Variants in RFX6 observed in about 807,000 individuals in gnomAD.
The protein encoded by RFX6 is regulatory factor X6.
A neutral mutation model predicts 110.8 loss-of-function variants in RFX6; 50 were observed. The observed-to-expected ratio is 0.45, with a 90% CI of 0.36 to 0.57. The LOEUF (loss-of-function observed/expected upper bound fraction) is 0.57, where lower values mean the gene tolerates loss of function less well. Ranked by LOEUF, RFX6 falls within the 20% of genes least tolerant of loss-of-function variation. The pLI is 0.00. For synonymous variants in RFX6, 383 were observed against 411.2 expected (o/e 0.93, Z 0.83); for missense variants, 990 against 1,127.0 (o/e 0.88, Z 1.74).
At chr6:116,890,681 C>T (rs1401874339) in intron 4 of RFX6, among the ~76,000 whole-genome samples, 2 of 152,146 alleles carry the variant, frequency 1.3e-5, no homozygotes, top group Non-Finnish European at 2.9e-5. Flanking sequence ...CTGAGTGTAG[C>T]TGACCAAGTC....
intron 7 of RFX6, among the ~76,000 whole-genome samples, chr6:116,915,709 T>C (rs1342331896): frequency 6.6e-6 from 1 of 152,066 alleles, no homozygotes; most frequent in East Asian, 1.9e-4. Context: ...AATTAAAAAT[T>C]AAATTTTAAA....
At chr6:116,912,687 T>A (rs1278719965) in intron 7 of RFX6, among the ~76,000 whole-genome samples, 1 of 151,988 alleles carries the variant, frequency 6.6e-6, no homozygotes, top group African/African-American at 2.4e-5. Context: ...ATGGTGTAAA[T>A]ATACCTGGTG....
chr6:116,893,757 A>G (rs1003406754), intron 4 of RFX6, among the ~76,000 whole-genome samples: 2 of 152,192 alleles, frequency 1.3e-5, no homozygotes, highest in African/African-American at 2.4e-5. Flanking sequence ...TCAGTAGGTA[A>G]TTCTCATTTT....
At chr6:116,908,053 G>C (rs1775245995) in intron 6 of RFX6, among the ~76,000 whole-genome samples, 1 of 151,904 alleles carries the variant, frequency 6.6e-6, no homozygotes, top group African/African-American at 2.4e-5. Flanking sequence ...AGTCTATTTT[G>C]TCTAACTTCA....
chr6:116,929,354 G>A (rs1357028801), intron 18 of RFX6, among the ~76,000 whole-genome samples: 1 of 152,016 alleles, frequency 6.6e-6, no homozygotes, highest in East Asian at 1.9e-4. Context: ...AGTGCCAAGA[G>A]ATATCTTTAG....
chr6:116,915,647 T>G (rs1481506508), intron 7 of RFX6, among the ~76,000 whole-genome samples: 1 of 152,140 alleles, frequency 6.6e-6, no homozygotes, highest in Non-Finnish European at 1.5e-5. Flanking sequence ...TTACTACTTT[T>G]ACTACTTTAT....
In RFX6 at chr6:116,927,481, G is replaced by C. The variant is rs1318423199; in HGVS notation, c.2340G>C (p.Leu780Phe). 1 of 1,614,046 alleles carries C rather than the reference G, an allele frequency of 6.2e-7. No individual in the cohort carries two copies. Among genetic ancestry groups the C allele is most frequent in the South Asian group, 1.1e-5 (1 of 91,082 alleles). Residue 780 changes from leucine (L) to phenylalanine (F), a missense_variant, in exon 17 of 19, where the codon TTG (leucine) becomes TTC (phenylalanine). Transcript: ENST00000332958. ...QFLNTGSFNF[L>F]SNTGAASCQG... ...TAAATACAGGAAGCTTCAATTTCTT[G>C]AGCAACACAGGAGCTGCCAGCTGCC... is the stretch of plus-strand genomic sequence containing the variant.
At chr6:116,883,119 C>A (rs1774626443) in intron 4 of RFX6, among the ~76,000 whole-genome samples, 1 of 152,064 alleles carries the variant, frequency 6.6e-6, no homozygotes, top group Admixed American at 6.6e-5. Context: ...AAGTTCCAAC[C>A]TTCATGATTG....
intron 6 of RFX6, among the ~76,000 whole-genome samples, chr6:116,897,564 G>T (rs1218690470): frequency 6.6e-6 from 1 of 152,106 alleles, no homozygotes; most frequent in Non-Finnish European, 1.5e-5. Context: ...TCTGTAATGG[G>T]AAGCCACTAA....
chr6:116,917,164 TA>T (rs369131629), intron 9 of RFX6, among the ~76,000 whole-genome samples: 16 of 152,208 alleles, frequency 1.1e-4, no homozygotes, highest in African/African-American at 3.6e-4. Context: ...CAGAAGCCCC[TA>T]AGCAGACCAA....
At position 116,880,626 on chromosome 6, in the gene RFX6, A is replaced by C; in HGVS notation, c.463A>C (p.Lys155Gln). Residue 155 changes from lysine (K) to glutamine (Q), a missense_variant, in exon 3 of 19, where the codon AAA (lysine) becomes CAA (glutamine). Lys to Gln is a moderately conservative substitution (Grantham distance 53). Coordinates refer to ENST00000332958, the MANE Select transcript of RFX6 (RefSeq NM_173560.4). ...LYAHYLDFCR[K>Q]EKLEPACAAT... ...TGCACACTACTTAGATTTCTGTAGG[A>C]AAGAGAAATTAGAGCCAGCCTGTGC... 3.1e-6 allele frequency: 5 copies of C among 1,613,454 alleles called. No individual in the cohort carries two copies. Among genetic ancestry groups the C allele is most frequent in the Non-Finnish European group, 4.2e-6 (5 of 1,179,470 alleles).
Position 116,893,776 on chromosome 6 carries a change from A to C in RFX6, c.567-211A>C, listed in dbSNP as rs182867573. Among the ~76,000 whole-genome samples, 45 of 152,350 alleles carry C rather than the reference A, an allele frequency of 3.0e-4. No homozygotes were observed. In the East Asian group the frequency reaches 8.5e-3, roughly 29 times the overall value. ...TAGGTAATTCTCATTTTTCAAGCCT[A>C]GAGTCAGAAATAACAACAATAAGTA... On this transcript the variant is annotated intron_variant, in intron 4 of 18. Transcript: ENST00000332958.
chr6:116,922,663 G>T (rs1775627382), intron 13 of RFX6, among the ~76,000 whole-genome samples: 1 of 151,962 alleles, frequency 6.6e-6, no homozygotes, highest in Non-Finnish European at 1.5e-5. Context: ...AGTTGGTGTT[G>T]GCCATTCCAT....
At chr6:116,895,140 A>G (rs1774915853) in intron 5 of RFX6, 40 bp from the exon 6 acceptor site, 1 of 1,173,376 alleles carries the variant, frequency 8.5e-7, no homozygotes, top group Non-Finnish European at 1.3e-6. Context: ...TATAGCTGTA[A>G]TTTTGTTTGA....
rs1420793866 is a variant in RFX6, at chr6:116,880,824, ATG to A, written c.504+159_504+160del. On this transcript the variant is annotated intron_variant, in intron 3 of 18. Transcript: ENST00000332958. ...TAAGGACTCTGTTTGGAATTGCTAT[ATG>A]TTTATAACTTGATTTTGAATATTAG... Among the ~76,000 whole-genome samples the A allele has an allele frequency of 6.7e-4, 102 of 152,166 alleles. 1 individual carries two copies. Among genetic ancestry groups the A allele is most frequent in the Non-Finnish European group, 4.3e-4 (29 of 67,912 alleles).
At position 116,931,561 on chromosome 6, in the gene RFX6, A is replaced by C; in HGVS notation, c.*55A>C. 8.0e-7 allele frequency: 1 copy of C among 1,246,808 alleles called. No individual in the cohort carries two copies. The highest frequency in any genetic ancestry group is 1.3e-5 in the South Asian group (1 of 79,228). 77.2% of individuals were successfully genotyped at this position (1,246,808 alleles called of 1,614,324 possible). Reference sequence around the variant, plus strand: ...TTTAAAAAAAATCTCTACTGTGCAAATATCATTATTCACTCAGACTTCCAT... The same window carrying C: ...TTTAAAAAAAATCTCTACTGTGCAACTATCATTATTCACTCAGACTTCCAT... On this transcript the variant is annotated 3_prime_UTR_variant, in exon 19 of 19. Coordinates refer to ENST00000332958, the MANE Select transcript of RFX6 (RefSeq NM_173560.4).
intron 7 of RFX6, among the ~76,000 whole-genome samples, chr6:116,914,828 T>C (rs980468200): frequency 2.6e-5 from 4 of 152,220 alleles, no homozygotes; most frequent in African/African-American, 7.2e-5. Flanking sequence ...TATGGATTAT[T>C]CCAAACACTT....
At chr6:116,890,024 C>G (rs977420154) in intron 4 of RFX6, among the ~76,000 whole-genome samples, 5 of 131,410 alleles carry the variant, frequency 3.8e-5, no homozygotes, top group African/African-American at 1.4e-4. Flanking sequence ...GCTTACATTA[C>G]TCCTGCCAAA....
In RFX6 at chr6:116,877,378, A is replaced by G. The variant is rs780663537; in HGVS notation, c.103A>G (p.Lys35Glu). Residue 35 changes from lysine to glutamate, a missense_variant, in exon 1 of 19, where the codon AAG (lysine) becomes GAG (glutamate). By Grantham distance (56) the Lys-to-Glu change is moderately conservative. This residue lies in a region of RFX6 where 175 missense variants were observed against 162.3 expected (regional missense o/e 1.08). Transcript: ENST00000332958. ...QEDCCVQLLG[K>E]GLLVYPEETV... ...AGACTGCTGTGTGCAGCTCCTGGGC[A>G]AGGGCTTGCTAGTCTATCCGGAAGA... is the stretch of plus-strand genomic sequence containing the variant. 2 of 1,611,014 alleles carry G rather than the reference A, an allele frequency of 1.2e-6. No homozygotes were observed. Among genetic ancestry groups the G allele is most frequent in the South Asian group, 2.2e-5 (2 of 90,264 alleles).
Sources: allele counts gnomAD v4.1 joint callset (sites outside exome capture counted in the v4.1 genomes callset), GRCh38; gene constraint gnomAD v4.1.1; regional missense constraint gnomAD v4.1.1; transcripts MANE v1.5; gene names NCBI Gene and HGNC (gene_info 2026-07-23, HGNC 2026-07-21).